Variants in TRHDE observed in about 807,000 individuals in gnomAD.
TRHDE encodes the protein thyrotropin-releasing hormone-degrading ectoenzyme.
A neutral mutation model predicts 125.7 loss-of-function variants in TRHDE; 72 were observed. The observed-to-expected ratio is 0.57, with a 90% CI of 0.47 to 0.70. TRHDE has a LOEUF of 0.70. TRHDE is among the 30% of genes least tolerant of loss of function. The probability of loss-of-function intolerance (pLI) is 0.00; values close to 1 mark genes in which losing one functional copy is unlikely to be tolerated. For synonymous variants in TRHDE, 509 were observed against 509.1 expected (o/e 1.00, Z 0.00); for missense variants, 1,110 against 1,327.1 (o/e 0.84, Z 2.54).
At chr12:72,329,965 C>T (rs1869510684) in intron 2 of TRHDE, among the ~76,000 whole-genome samples, 1 of 152,002 alleles carries the variant, frequency 6.6e-6, no homozygotes, top group African/African-American at 2.4e-5. Flanking sequence ...CGTGGGACTC[C>T]AAAAAAGATA....
intron 3 of TRHDE, among the ~76,000 whole-genome samples, chr12:72,452,449 G>C (rs866443703): frequency 6.6e-6 from 1 of 152,072 alleles, no homozygotes; most frequent in South Asian, 2.1e-4. Flanking sequence ...TTGCCTAATT[G>C]CTCTAGCTAG....
At chr12:72,369,652 G>A (rs1388341487) in intron 2 of TRHDE, among the ~76,000 whole-genome samples, 2 of 152,084 alleles carry the variant, frequency 1.3e-5, no homozygotes, top group Non-Finnish European at 1.5e-5. Context: ...ACCCAGAGAA[G>A]TTAATGACTC....
At chr12:72,333,253 C>A (rs1419817206) in intron 2 of TRHDE, among the ~76,000 whole-genome samples, 1 of 152,106 alleles carries the variant, frequency 6.6e-6, no homozygotes, top group Admixed American at 6.5e-5. Flanking sequence ...CAGATTAAAT[C>A]AGAAAATATA....
In TRHDE at chr12:72,187,540, G is replaced by C. The variant is rs901309141; in HGVS notation, n.279+81788G>C. Among the ~76,000 whole-genome samples the C allele has an allele frequency of 6.7e-5, 10 of 150,126 alleles. No homozygotes were observed. The East Asian group carries it at 2.0e-3, about 30-fold the overall frequency. On this transcript the variant is annotated intron_variant and non_coding_transcript_variant, in intron 2 of 4. Coordinates refer to the TRHDE transcript ENST00000548156. ...AGGAGGAGGAGGAGGAGGAGGATGG[G>C]GCATGATGTATCAGTCCCAGTTCAA...
intron 2 of TRHDE, among the ~76,000 whole-genome samples, chr12:72,376,451 G>A (rs1037666761): frequency 2.6e-5 from 4 of 152,146 alleles, no homozygotes; most frequent in East Asian, 1.9e-4. Flanking sequence ...AAGTTCTGCT[G>A]TTGCAGGTAG....
At chr12:72,183,393 T>A (rs1259608268) in intron 2 of TRHDE, among the ~76,000 whole-genome samples, 5 of 152,194 alleles carry the variant, frequency 3.3e-5, no homozygotes, top group Non-Finnish European at 5.9e-5. Context: ...AAATCTTCTC[T>A]CGAACACTAG....
chr12:72,499,381 T>G, intron 5 of TRHDE, 117 bp from the exon 6 acceptor site: 1 of 1,315,996 alleles, frequency 7.6e-7, no homozygotes, highest in Non-Finnish European at 1.0e-6. Flanking sequence ...AGTTGAGTCA[T>G]GCCTTGGAAG....
chr12:72,553,141 G>T (rs939623331), intron 7 of TRHDE, among the ~76,000 whole-genome samples: 1 of 152,024 alleles, frequency 6.6e-6, no homozygotes, highest in African/African-American at 2.4e-5. Flanking sequence ...AGAGTAGAAA[G>T]GTACTTTCTG....
chr12:72,438,738 T>G (rs542601230), intron 3 of TRHDE, among the ~76,000 whole-genome samples: 1 of 152,044 alleles, frequency 6.6e-6, no homozygotes, highest in Non-Finnish European at 1.5e-5. Flanking sequence ...TATTTTTTGT[T>G]CACTCTGTTA....
At chr12:72,268,511 G>A (rs1174034207), upstream of TRHDE, among the ~76,000 whole-genome samples, 1 of 152,012 alleles carries the variant, frequency 6.6e-6, no homozygotes, top group Admixed American at 6.6e-5. Flanking sequence ...TAAGTACTGG[G>A]TTAGGACAAT....
Position 72,609,007 on chromosome 12 carries a change from A to T in TRHDE, c.2322-9884A>T, listed in dbSNP as rs549876130. 3.4e-4 allele frequency among the ~76,000 whole-genome samples: 52 copies of T among 152,276 alleles called. 1 individual carries two copies. The highest frequency in any genetic ancestry group is 3.1e-3 in the Admixed American group (47 of 15,304). On this transcript the variant is annotated intron_variant, in intron 12 of 18. Coordinates refer to ENST00000261180, the MANE Select transcript of TRHDE (RefSeq NM_013381.3). ...CCAACCTGAGAAGATTGTTTAAAGG[A>T]TTTAGTCACATAGTGTATGCAAAGC...
chr12:72,571,392 G>T (rs1592544577), intron 10 of TRHDE, among the ~76,000 whole-genome samples: 1 of 152,112 alleles, frequency 6.6e-6, no homozygotes, highest in Non-Finnish European at 1.5e-5. Context: ...TTATCTACAT[G>T]ATATTAAGGC....
intron 15 of TRHDE, among the ~76,000 whole-genome samples, chr12:72,646,373 C>T (rs1303828678): frequency 1.3e-5 from 2 of 151,612 alleles, no homozygotes; most frequent in Non-Finnish European, 2.9e-5. Context: ...CAAATCACAG[C>T]ATATCAATAT....
chr12:72,317,576 G>A (rs901435499), intron 2 of TRHDE, among the ~76,000 whole-genome samples: 1 of 152,074 alleles, frequency 6.6e-6, no homozygotes, highest in Non-Finnish European at 1.5e-5. Flanking sequence ...AAGCCCTTTT[G>A]TAAAGACACT....
intron 15 of TRHDE, among the ~76,000 whole-genome samples, chr12:72,644,963 A>AAGAC (rs1394573580): frequency 1.4e-4 from 21 of 152,214 alleles, no homozygotes; most frequent in African/African-American, 4.8e-5. Context: ...CCTGGGAATA[A>AAGAC]AGACAGTTAG....
intron 3 of TRHDE, among the ~76,000 whole-genome samples, chr12:72,445,968 T>TTATTTACAGGTC (rs1041682047): frequency 2.0e-5 from 3 of 151,824 alleles, no homozygotes; most frequent in African/African-American, 7.3e-5. Context: ...AGCTCTCCAT[T>TTATTTACAGGTC]TATTTACAGG....
chr12:72,172,750 C>T (rs564355539), intron 2 of TRHDE, among the ~76,000 whole-genome samples: 2 of 152,282 alleles, frequency 1.3e-5, no homozygotes, highest in South Asian at 4.1e-4. Context: ...TTAAAAGATG[C>T]TTCATGAGAA....
At chr12:72,467,850 A>G (rs1876458766) in intron 3 of TRHDE, among the ~76,000 whole-genome samples, 5 of 152,108 alleles carry the variant, frequency 3.3e-5, no homozygotes, top group Admixed American at 3.3e-4. Context: ...CCCACAACCA[A>G]TGCTGAGAAG....
chr12:72,640,592 A>C (rs1331126902), intron 15 of TRHDE, among the ~76,000 whole-genome samples: 23 of 152,030 alleles, frequency 1.5e-4, no homozygotes, highest in Non-Finnish European at 1.5e-4. Context: ...TTTTTGCCTG[A>C]AACAGTGACT....
Sources: gnomAD v4.1 joint callset for allele counts (sites outside exome capture counted in the v4.1 genomes callset) on GRCh38, gnomAD v4.1.1 for gene constraint, MANE v1.5 for transcripts, NCBI Gene and HGNC (gene_info 2026-07-23, HGNC 2026-07-21) for gene names.